The following CADM2 variants were observed in gnomAD, a reference collection of about 807,000 sequenced individuals.
CADM2 encodes cell adhesion molecule 2.
In CADM2, 12 loss-of-function variants were observed where a neutral mutation model predicts 49.8. The observed-to-expected ratio is 0.24, with a 90% CI of 0.15 to 0.39. The LOEUF (loss-of-function observed/expected upper bound fraction) is 0.39, where lower values mean the gene tolerates loss of function less well. Ranked by LOEUF, CADM2 falls within the 10% of genes least tolerant of loss-of-function variation. CADM2 has a pLI of 1.00. For missense variants in CADM2, 378 were observed against 492.3 expected (o/e 0.77, Z 2.20); for synonymous variants, 214 against 175.4 (o/e 1.22, Z -1.74).
rs1313656134 is a variant in CADM2 at position 86,073,418 on chromosome 3, C to CA, written c.*6641dup. The CA allele has an allele frequency of 1.3e-5, 2 of 151,918 alleles. No homozygotes were observed. The highest frequency in any genetic ancestry group is 2.9e-5 in the Non-Finnish European group (2 of 67,890). The allele number at this position is 151,918 out of a possible 1,614,324, so 9.4% of individuals were successfully genotyped here. A position where few individuals can be genotyped will look rare whatever the true frequency, so the allele number is the denominator to read the frequency against. ...AATCTACTCTTGTCATTAACATTTT[C>CA]AAAAAACAAAATGCATATTGTAATA... On this transcript the variant is annotated 3_prime_UTR_variant, in exon 10 of 10. Coordinates refer to ENST00000383699, the MANE Select transcript of CADM2 (RefSeq NM_001167675.2).
At chr3:85,551,960 A>G (rs1280151116) in intron 1 of CADM2, among the ~76,000 whole-genome samples, 1 of 152,034 alleles carries the variant, frequency 6.6e-6, no homozygotes, top group Non-Finnish European at 1.5e-5. Context: ...TAATTAAAAT[A>G]TTTTTGTGAT....
intron 1 of CADM2, among the ~76,000 whole-genome samples, chr3:85,221,472 T>A (rs2042043043): frequency 6.6e-6 from 1 of 152,074 alleles, no homozygotes; most frequent in Non-Finnish European, 1.5e-5. Context: ...TCTTGTTTGA[T>A]CTAATAGAGA....
chr3:85,958,340 CT>C (rs1259486989), intron 7 of CADM2, among the ~76,000 whole-genome samples: 3 of 151,976 alleles, frequency 2.0e-5, no homozygotes, highest in Non-Finnish European at 4.4e-5. Flanking sequence ...CGCTTTTATA[CT>C]GTTGGTGGGA....
At chr3:85,033,148 T>C (rs1380670990) in intron 1 of CADM2, among the ~76,000 whole-genome samples, 2 of 152,208 alleles carry the variant, frequency 1.3e-5, no homozygotes, top group Non-Finnish European at 2.9e-5. Context: ...TTTTTGCTTT[T>C]TGAGATGATA....
intron 1 of CADM2, among the ~76,000 whole-genome samples, chr3:85,349,791 A>T (rs1370057557): frequency 6.6e-6 from 1 of 152,190 alleles, no homozygotes; most frequent in East Asian, 1.9e-4. Context: ...GGGAATATAA[A>T]GTCAGAATTT....
intron 1 of CADM2, among the ~76,000 whole-genome samples, chr3:85,126,555 G>T (rs549864650): frequency 1.8e-4 from 27 of 152,080 alleles, no homozygotes; most frequent in Non-Finnish European, 3.1e-4. Flanking sequence ...TGTTTAGCTT[G>T]GTCTTTTATT....
chr3:85,483,112 G>A (rs1559862679), intron 1 of CADM2, among the ~76,000 whole-genome samples: 1 of 151,364 alleles, frequency 6.6e-6, no homozygotes, highest in Non-Finnish European at 1.5e-5. Context: ...TTTGAGTCAT[G>A]TTTAATTTTT....
At chr3:85,600,441 A>G (rs1039307935) in intron 1 of CADM2, among the ~76,000 whole-genome samples, 72 of 152,068 alleles carry the variant, frequency 4.7e-4, no homozygotes, top group African/African-American at 1.7e-3. Flanking sequence ...GAATTAGTAA[A>G]TTAATTACAC....
chr3:85,514,617 C>G (rs1476620343), intron 1 of CADM2, among the ~76,000 whole-genome samples: 3 of 152,024 alleles, frequency 2.0e-5, no homozygotes, highest in Non-Finnish European at 2.9e-5. Context: ...GTCTCTTATT[C>G]AGTGTTAACA....
intron 1 of CADM2, among the ~76,000 whole-genome samples, chr3:85,142,957 T>C: frequency 6.6e-6 from 1 of 152,194 alleles, no homozygotes. Flanking sequence ...TTTGCCTTAT[T>C]ATCCCATTTT....
At chr3:86,046,287 A>C (rs1185940856) in intron 8 of CADM2, among the ~76,000 whole-genome samples, 2 of 152,170 alleles carry the variant, frequency 1.3e-5, no homozygotes, top group African/African-American at 2.4e-5. Context: ...ATTTAGAAGT[A>C]TTTTAATTGT....
At chr3:85,604,045 A>C (rs2107413388) in intron 1 of CADM2, among the ~76,000 whole-genome samples, 1 of 151,972 alleles carries the variant, frequency 6.6e-6, no homozygotes, top group Middle Eastern at 3.4e-3. Context: ...CATACTCAGA[A>C]CGTGTTGTTT....
intron 1 of CADM2, among the ~76,000 whole-genome samples, chr3:85,662,006 C>A (rs2065423207): frequency 6.6e-6 from 1 of 151,592 alleles, no homozygotes; most frequent in African/African-American, 2.4e-5. Flanking sequence ...TGCCTTAATT[C>A]AAAAAAGATT....
At chr3:85,463,817 T>C (rs2038364544) in intron 1 of CADM2, among the ~76,000 whole-genome samples, 1 of 152,176 alleles carries the variant, frequency 6.6e-6, no homozygotes. Context: ...TCTATGCTAC[T>C]AGACCATGTA....
At chr3:85,429,663 G>T (rs1267091842) in intron 1 of CADM2, among the ~76,000 whole-genome samples, 1 of 151,910 alleles carries the variant, frequency 6.6e-6, no homozygotes, top group South Asian at 2.1e-4. Flanking sequence ...ATAATCTTGA[G>T]AAATAAAAAG....
intron 1 of CADM2, among the ~76,000 whole-genome samples, chr3:85,602,563 C>A (rs1429379258): frequency 2.0e-5 from 3 of 151,534 alleles, no homozygotes; most frequent in Non-Finnish European, 3.0e-5. Flanking sequence ...CATTGAAGAC[C>A]AAAAAGGCCC....
intron 1 of CADM2, among the ~76,000 whole-genome samples, chr3:85,714,141 T>C (rs952022094): frequency 3.9e-5 from 6 of 152,214 alleles, no homozygotes; most frequent in African/African-American, 1.2e-4. Flanking sequence ...ATAGGTTATT[T>C]GAAACCACAC....
intron 1 of CADM2, among the ~76,000 whole-genome samples, chr3:85,298,131 G>A (rs1163558425): frequency 6.6e-6 from 1 of 152,012 alleles, no homozygotes; most frequent in African/African-American, 2.4e-5. Context: ...TATATGCTTA[G>A]GTTTAAGTCA....
At chr3:85,500,264 A>G (rs979820284) in intron 1 of CADM2, among the ~76,000 whole-genome samples, 2 of 150,402 alleles carry the variant, frequency 1.3e-5, no homozygotes, top group Non-Finnish European at 2.9e-5. Flanking sequence ...AGCAGAATAT[A>G]TATTTTTTCA....
Sources: allele counts gnomAD v4.1 joint callset (sites outside exome capture counted in the v4.1 genomes callset), GRCh38; gene constraint gnomAD v4.1.1; transcripts MANE v1.5; gene names NCBI Gene and HGNC (gene_info 2026-07-23, HGNC 2026-07-21).